Variants in CHRM3 observed in about 807,000 individuals in gnomAD.
CHRM3 encodes muscarinic acetylcholine receptor M3.
Under a neutral mutation model 41.8 loss-of-function variants are expected in CHRM3, and 11 were observed. The ratio of observed to expected loss-of-function variants is 0.26; its 90% CI spans 0.17 to 0.44. The LOEUF is 0.44. Among genes scored for constraint, CHRM3 ranks in the 20% least tolerant of loss-of-function variants. CHRM3 has a pLI of 1.00. For missense variants in CHRM3, 571 were observed against 745.4 expected, an observed-to-expected ratio of 0.77 and a Z score of 2.72; for synonymous variants, 297 against 301.4, an observed-to-expected ratio of 0.99 and a Z score of 0.15.
At chr1:239,661,266 T>C (rs189048794) in intron 4 of CHRM3, among the ~76,000 whole-genome samples, 515 of 152,372 alleles carry the variant, frequency 3.4e-3, no homozygotes, top group African/African-American at 7.2e-3. Flanking sequence ...AATAACATTA[T>C]AAACTTCTAA....
intron 3 of CHRM3, among the ~76,000 whole-genome samples, chr1:239,597,931 G>A (rs888793980): frequency 1.3e-5 from 2 of 148,252 alleles, no homozygotes; most frequent in East Asian, 2.0e-4. Context: ...CAGGGGTCTC[G>A]TGCAGTTCAG....
At chr1:239,547,184 C>G (rs1659379881) in intron 3 of CHRM3, among the ~76,000 whole-genome samples, 1 of 152,162 alleles carries the variant, frequency 6.6e-6, no homozygotes, top group Admixed American at 6.5e-5. Flanking sequence ...AACATATTCA[C>G]TGGCTAATAT....
At position 239,691,992 on chromosome 1, in the gene CHRM3, A is replaced by G. The variant is rs189878550; in HGVS notation, c.-147+13704A>G. ...GGGATGATCTCAAAATGAATTAGCG[A>G]TTTTAAATGTCACCAGTGTCTTACA... On this transcript the variant is annotated intron_variant, in intron 5 of 6. Transcript: ENST00000676153. Among the ~76,000 whole-genome samples, 1,023 of 152,310 alleles carry G rather than the reference A, an allele frequency of 6.7e-3. 2 individuals are homozygous for G. The highest frequency in any genetic ancestry group is 0.012 in the Non-Finnish European group (805 of 68,026).
intron 5 of CHRM3, among the ~76,000 whole-genome samples, chr1:239,762,206 T>C (rs1338936129): frequency 1.3e-5 from 2 of 152,200 alleles, no homozygotes; most frequent in Admixed American, 6.5e-5. Context: ...TTAATACTAG[T>C]TCAATAATCA....
intron 3 of CHRM3, among the ~76,000 whole-genome samples, chr1:239,615,197 C>T (rs1387338987): frequency 2.0e-5 from 3 of 152,194 alleles, no homozygotes; most frequent in South Asian, 4.1e-4. Context: ...ATGTCCCAGA[C>T]ATTTGCTATA....
intron 1 of CHRM3, among the ~76,000 whole-genome samples, chr1:239,443,103 T>A (rs970556720): frequency 3.3e-5 from 5 of 152,248 alleles, no homozygotes; most frequent in Non-Finnish European, 5.9e-5. Flanking sequence ...TAACAAAGCT[T>A]ATTTTATTTC....
At chr1:239,851,161 T>C (rs1426945846) in intron 6 of CHRM3, among the ~76,000 whole-genome samples, 1 of 152,082 alleles carries the variant, frequency 6.6e-6, no homozygotes, top group African/African-American at 2.4e-5. Context: ...AAATGAAAAA[T>C]TATGCTTCAT....
intron 1 of CHRM3, among the ~76,000 whole-genome samples, chr1:239,492,398 G>T (rs1182565836): frequency 1.3e-5 from 2 of 152,068 alleles, no homozygotes; most frequent in African/African-American, 4.8e-5. Flanking sequence ...TTCATTGCTC[G>T]CAGAGAGCCT....
chr1:239,479,578 A>T (rs72754702), intron 1 of CHRM3, among the ~76,000 whole-genome samples: 23,309 of 152,172 alleles, frequency 0.15, 2,361 homozygotes, highest in Non-Finnish European at 0.2. Flanking sequence ...TGAACAGCAT[A>T]GAGTGCACTT....
chr1:239,782,529 G>A (rs1668584008), intron 5 of CHRM3, among the ~76,000 whole-genome samples: 1 of 151,848 alleles, frequency 6.6e-6, no homozygotes, highest in African/African-American at 2.4e-5. Context: ...GAGACTTATT[G>A]GTTTTACTGA....
chr1:239,786,765 G>A (rs888127222), intron 5 of CHRM3, among the ~76,000 whole-genome samples: 3 of 152,150 alleles, frequency 2.0e-5, no homozygotes, highest in Admixed American at 6.5e-5. Flanking sequence ...ATGAGATGAC[G>A]CCGTAGTGTC....
intron 1 of CHRM3, among the ~76,000 whole-genome samples, chr1:239,404,410 A>AAAGAAAG (rs1660343300): frequency 9.7e-5 from 5 of 51,768 alleles, no homozygotes; most frequent in Admixed American, 6.2e-4. Flanking sequence ...GAAAGAAAGA[A>AAAGAAAG]AAAGAAAGAA....
intron 1 of CHRM3, among the ~76,000 whole-genome samples, chr1:239,450,676 A>G (rs1042979429): frequency 2.2e-4 from 33 of 152,298 alleles, no homozygotes; most frequent in African/African-American, 7.5e-4. Context: ...CATTTTTTAT[A>G]CTTTTGAAAT....
At position 239,911,761 on chromosome 1, in the gene CHRM3, C is replaced by G. The variant is rs1680378352; in HGVS notation, c.*2537C>G. ...TTATTATAGAATTGTTTTTAAGCCT[C>G]TTATGGATGAAAGCTGCATTTAAAT... On this transcript the variant is annotated 3_prime_UTR_variant, in exon 7 of 7. Coordinates refer to ENST00000676153, the MANE Select transcript of CHRM3 (RefSeq NM_001375978.1). 1 of 166,890 alleles carries G rather than the reference C, an allele frequency of 6.0e-6. No homozygotes were observed. Among genetic ancestry groups the G allele is most frequent in the Non-Finnish European group, 1.5e-5 (1 of 68,108 alleles). 10.3% of individuals were successfully genotyped at this position (166,890 alleles called of 1,614,324 possible). A position where few individuals can be genotyped will look rare whatever the true frequency, so the allele number is the denominator to read the frequency against.
At chr1:239,479,839 G>A (rs150345826) in intron 1 of CHRM3, among the ~76,000 whole-genome samples, 1 of 152,312 alleles carries the variant, frequency 6.6e-6, no homozygotes, top group African/African-American at 2.4e-5. Context: ...GTTGCTCTAG[G>A]TGAGTCAGTG....
chr1:239,886,177 T>G, intron 6 of CHRM3: 1 of 152,178 alleles, frequency 6.6e-6, no homozygotes, highest in East Asian at 1.9e-4. Context: ...AAACTGAGCG[T>G]CGAACCTCAT....
At chr1:239,735,541 A>C (rs2148454537) in intron 5 of CHRM3, among the ~76,000 whole-genome samples, 1 of 152,256 alleles carries the variant, frequency 6.6e-6, no homozygotes, top group Non-Finnish European at 1.5e-5. Flanking sequence ...TTTCCCAAAC[A>C]TGGATTCATT....
At chr1:239,450,755 C>T (rs1206640503) in intron 1 of CHRM3, among the ~76,000 whole-genome samples, 1 of 152,196 alleles carries the variant, frequency 6.6e-6, no homozygotes, top group Non-Finnish European at 1.5e-5. Flanking sequence ...GCAGTAATGG[C>T]CATTTTCACT....
chr1:239,861,020 A>G (rs555306417), intron 6 of CHRM3, among the ~76,000 whole-genome samples: 3 of 152,294 alleles, frequency 2.0e-5, no homozygotes, highest in South Asian at 2.1e-4. Context: ...AATACCTTAC[A>G]AGTCACTTAG....
Sources: gnomAD v4.1 joint callset for allele counts (sites outside exome capture counted in the v4.1 genomes callset) on GRCh38, gnomAD v4.1.1 for gene constraint, MANE v1.5 for transcripts, NCBI Gene and HGNC (gene_info 2026-07-23, HGNC 2026-07-21) for gene names.